CHRNE: variants seen among roughly 807,000 people sequenced by gnomAD.
The protein encoded by CHRNE is cholinergic receptor nicotinic epsilon subunit.
CHRNE carries 58 observed loss-of-function variants against 56.5 expected under a neutral mutation model. The observed-to-expected ratio is 1.03, with a 90% CI of 0.83 to 1.28. The LOEUF (loss-of-function observed/expected upper bound fraction) is 1.28, where lower values mean the gene tolerates loss of function less well. CHRNE is among the 50% of genes most tolerant of loss of function. The pLI, the probability that CHRNE is intolerant of heterozygous loss-of-function variation, is 0.00. For missense variants in CHRNE, 793 were observed against 688.9 expected (o/e 1.15, Z -1.69); for synonymous variants, 385 against 297.9 (o/e 1.29, Z -3.01).
chr17:4,901,885 C>CA (rs375828485), intron 5 of CHRNE, 47 bp downstream of exon 5: 1 of 980,006 alleles, frequency 1.0e-6, no homozygotes. Flanking sequence ...CCCCATAAGG[C>CA]CCCCCCCCAA....
Position 4,902,756 on chromosome 17 carries a change from ACC to A in CHRNE, c.52_53del (p.Gly18CysfsTer18). The A allele has an allele frequency of 6.2e-7, 1 of 1,613,856 alleles. No homozygotes were observed. Among genetic ancestry groups the A allele is most frequent in the Non-Finnish European group, 8.5e-7 (1 of 1,179,986 alleles). Reference sequence around the variant, plus strand: ...GACGCAGTTCCTCGTTCTTCCCCACACCCCTGCCTGCGATGGGGTCAAGAAGG... The same window carrying A: ...GACGCAGTTCCTCGTTCTTCCCCACACCTGCCTGCGATGGGGTCAAGAAGG... ...VLLLLGLLGRGVGKNEELRLY... is the reference protein window; with the variant it reads ...VLLLLGLLGRXVGKNEELRLY... On this transcript the variant is annotated frameshift_variant, in exon 2 of 12. Coordinates refer to ENST00000649488, the MANE Select transcript of CHRNE (RefSeq NM_000080.4). LOFTEE classifies it high-confidence loss of function. The surrounding 1 kb of genome is among the most constrained non-coding windows in gnomAD (Gnocchi z 4.0).
rs1049141147 is a variant in CHRNE, at chr17:4,901,072, C to A, written c.720G>T (p.Pro240=). The change falls in exon 7 of 12, where the codon CCG becomes CCT. Residue 240 remains proline, a synonymous_variant. Coordinates refer to ENST00000649488, the MANE Select transcript of CHRNE (RefSeq NM_000080.4). ...VIYSLIIRRK[P]LFYVINIIVP... Reference sequence around the variant, plus strand: ...CGATGATGTTAATGACGTAGAAGAGCGGCTTCCGGCGGATGATGAGCGAGT... The same window carrying A: ...CGATGATGTTAATGACGTAGAAGAGAGGCTTCCGGCGGATGATGAGCGAGT... The A allele has an allele frequency of 2.5e-6, 4 of 1,613,752 alleles. No homozygotes were observed. The Admixed American group carries it at 6.7e-5, about 27-fold the overall frequency.
chr17:4,898,951 A>AC, intron 11 of CHRNE, 50 bp downstream of exon 11: 1 of 1,562,730 alleles, frequency 6.4e-7, no homozygotes, highest in East Asian at 2.3e-5. Flanking sequence ...GGCATGGGAG[A>AC]CAGTGGTGGG....
At chr17:4,899,787 GACACCCTGATGTGGATCTACC>G in intron 8 of CHRNE, 1 of 1,551,256 alleles carries the variant, frequency 6.4e-7, no homozygotes. Flanking sequence ...CAGCTCCCTG[GACACCCTGATGTGGATCTACC>G]ACTTCCACAG....
intron 6 of CHRNE, 163 bp from the exon 7 acceptor site, chr17:4,901,353 C>T: frequency 1.0e-6 from 1 of 959,638 alleles, no homozygotes; most frequent in Non-Finnish European, 1.6e-6. Flanking sequence ...GTATGGAAAG[C>T]CAGAAGGCAG....
rs1237161492 is a variant in CHRNE at position 4,899,378 on chromosome 17, G to A, written c.1039C>T (p.Leu347=). The A allele has an allele frequency of 6.5e-7, 1 of 1,533,348 alleles. No individual in the cohort carries two copies. The highest frequency in any genetic ancestry group is 8.7e-7 in the Non-Finnish European group (1 of 1,144,470). 95.0% of individuals were successfully genotyped at this position (1,533,348 alleles called of 1,614,324 possible). ...AMSPRLRHVL[L]ELLPRLLGSP... Reference sequence around the variant, plus strand: ...CCCAGGAGGCGCGGCAGCAGCTCCAGGAGAACCTGGGGCAGGGGCGGGGCT... The same window carrying A: ...CCCAGGAGGCGCGGCAGCAGCTCCAAGAGAACCTGGGGCAGGGGCGGGGCT... Residue 347 remains leucine (L), a synonymous_variant, in exon 10 of 12, where the codon CTG becomes TTG. Transcript: ENST00000649488.
chr17:4,901,250 C>T, intron 6 of CHRNE, 60 bp from the exon 7 acceptor site: 4 of 1,567,976 alleles, frequency 2.6e-6, no homozygotes, highest in South Asian at 1.1e-5. Flanking sequence ...GAGCTGACAG[C>T]GGGCTGAAGA....
intron 5 of CHRNE, 148 bp from the exon 6 acceptor site, chr17:4,901,773 T>G: frequency 7.9e-7 from 1 of 1,260,842 alleles, no homozygotes; most frequent in South Asian, 1.2e-5. Context: ...TGTTCCCATC[T>G]GTACCTCCGG....
At chr17:4,900,049 G>A in intron 8 of CHRNE, 1 of 1,543,992 alleles carries the variant, frequency 6.5e-7, no homozygotes, top group Non-Finnish European at 8.7e-7. Context: ...CCGAACCGAA[G>A]ATGCAGGGGA....
In CHRNE at chr17:4,898,882, C is replaced by T. The variant is rs768008177; in HGVS notation, c.1336G>A (p.Asp446Asn). Residue 446 changes from aspartate to asparagine, a missense_variant, in exon 12 of 12, where the codon GAC becomes AAC. Physicochemically the swap from Asp to Asn is conservative, Grantham distance 23. Coordinates refer to ENST00000649488, the MANE Select transcript of CHRNE (RefSeq NM_000080.4). Reference protein sequence around the residue: ...DQEATGEEVSDWVRMGNALDN... With the variant: ...DQEATGEEVSNWVRMGNALDN... ...AGGGCATTCCCCATGCGCACCCAGT[C>T]GGACACTTCCTGGGGAAGGGTCGGC... The T allele has an allele frequency of 1.3e-6, 2 of 1,579,840 alleles. No homozygotes were observed. Among genetic ancestry groups the T allele is most frequent in the South Asian group, 1.2e-5 (1 of 86,736 alleles).
chr17:4,903,919 A>G (rs112829158), upstream of CHRNE, among the ~76,000 whole-genome samples: 2 of 152,162 alleles, frequency 1.3e-5, no homozygotes, highest in Non-Finnish European at 2.9e-5. Flanking sequence ...GTGCAGTGGC[A>G]TGATCTCGGC....
chr17:4,907,018 AGAGTAGAAGGATG>A (rs1567641758), upstream of CHRNE, among the ~76,000 whole-genome samples: 1 of 152,168 alleles, frequency 6.6e-6, no homozygotes, highest in Non-Finnish European at 1.5e-5. Context: ...ATGGACATAG[AGAGTAGAAGGATG>A]GTTACCAGAG....
chr17:4,900,417 C>T (rs1445908768), intron 8 of CHRNE: 14 of 1,550,864 alleles, frequency 9.0e-6, no homozygotes, highest in African/African-American at 1.4e-5. Context: ...GGGAGCATGG[C>T]TATGCCTGTG....
chr17:4,908,323 G>C (rs772714553), intron 1 of CHRNE, among the ~76,000 whole-genome samples: 6 of 152,214 alleles, frequency 3.9e-5, no homozygotes, highest in Non-Finnish European at 8.8e-5. Context: ...ATTCACCTGA[G>C]AGCCAGGGGC....
At position 4,898,668 on chromosome 17, in the gene CHRNE, G is replaced by A. The variant is rs1597612145; in HGVS notation, c.*68C>T. 20 of 1,548,788 alleles carry A rather than the reference G, an allele frequency of 1.3e-5. No homozygotes were observed. The highest frequency in any genetic ancestry group is 1.2e-4 in the East Asian group (5 of 42,752). ...GGGGAAGGGATCATAATGCCGTGGT[G>A]GCGGCAGCCTACTTTTTCAAAATCA... On this transcript the variant is annotated 3_prime_UTR_variant, in exon 12 of 12. Transcript: ENST00000649488.
chr17:4,901,182 C>A lies in CHRNE; in HGVS notation c.610G>T (p.Glu204Ter). 1.2e-6 allele frequency: 2 copies of A among 1,604,858 alleles called. No individual in the cohort carries two copies. Among genetic ancestry groups the A allele is most frequent in the Non-Finnish European group, 8.5e-7 (1 of 1,179,032 alleles). Residue 204 changes from glutamate (E) to a stop codon, truncating the protein, a stop_gained, in exon 7 of 12, where the codon GAG becomes TAG. Coordinates refer to ENST00000649488, the MANE Select transcript of CHRNE (RefSeq NM_000080.4). LOFTEE classifies it high-confidence loss of function. Reference protein sequence around the residue: ...IDTEAYTENGEWAIDFCPGVI... With the variant: ...IDTEAYTENG ...CCCGGGCAGAAGTCGATGGCCCACT[C>A]GCCGTTCTCTGCGGGACGGGGGCAC... is the stretch of plus-strand genomic sequence containing the variant.
upstream of CHRNE, among the ~76,000 whole-genome samples, chr17:4,903,727 T>C (rs1451076284): frequency 2.0e-5 from 3 of 152,170 alleles, no homozygotes; most frequent in Admixed American, 6.5e-5. Flanking sequence ...TTGTTTCTCC[T>C]TGTCTATCCC....
At chr17:4,908,437 C>T (rs1476038291) in intron 1 of CHRNE, among the ~76,000 whole-genome samples, 1 of 152,038 alleles carries the variant, frequency 6.6e-6, no homozygotes, top group Non-Finnish European at 1.5e-5. Context: ...CACATCACAG[C>T]AGTGCGTTCC....
rs886037628 is a variant in CHRNE, at chr17:4,899,255, T to TA, written c.1161_1162insT (p.Lys388Ter). ...TCAAACACGAGCTCGCTCCGTGGCT[T>TA]TTTCAGTATCAGCTCCTCCGCGCGG... is the stretch of plus-strand genomic sequence containing the variant. On this transcript the variant is annotated frameshift_variant, in exon 10 of 12. Transcript: ENST00000649488. LOFTEE classifies it high-confidence loss of function. 2.5e-6 allele frequency: 4 copies of TA among 1,605,782 alleles called. No individual in the cohort carries two copies.
Sources: gnomAD v4.1 joint callset for allele counts (sites outside exome capture counted in the v4.1 genomes callset) on GRCh38, gnomAD v4.1.1 for gene constraint, Gnocchi (gnomAD v3.1) non-coding constraint, MANE v1.5 for transcripts, NCBI Gene and HGNC (gene_info 2026-07-23, HGNC 2026-07-21) for gene names.